NDRG3: variants seen among roughly 807,000 people sequenced by gnomAD.
NDRG3 encodes protein NDRG3.
In NDRG3, 23 loss-of-function variants were observed where a neutral mutation model predicts 57.2. That is an observed-to-expected ratio of 0.40 (90% CI 0.29 to 0.57). The LOEUF (loss-of-function observed/expected upper bound fraction) is 0.57. NDRG3 is among the 20% of genes least tolerant of loss of function. NDRG3 has a pLI of 0.42. For synonymous variants in NDRG3, 132 were observed against 162.6 expected, an observed-to-expected ratio of 0.81 and a Z score of 1.43; for missense variants, 384 against 457.3, an observed-to-expected ratio of 0.84 and a Z score of 1.46.
rs558926687 is a variant in NDRG3 at position 36,696,150 on chromosome 20, G to A, written c.94-7366C>T. Among the ~76,000 whole-genome samples the A allele has an allele frequency of 3.9e-5, 6 of 152,304 alleles. No individual in the cohort carries two copies. In the South Asian group the frequency reaches 1.0e-3, roughly 26 times the overall value. On this transcript the variant is annotated intron_variant, in intron 3 of 15. Transcript: ENST00000349004. ...TCACTCTTGTTGCCCAGGCTGGAAT[G>A]CAATGGTGTGATCTCGGCTCACTGC...
At chr20:36,688,917 G>C in intron 3 of NDRG3, 133 bp from the exon 4 acceptor site, 2 of 685,630 alleles carry the variant, frequency 2.9e-6, no homozygotes, top group South Asian at 3.3e-5. Flanking sequence ...CATGTGGCTG[G>C]GCGTGGTGGT....
intron 8 of NDRG3, among the ~76,000 whole-genome samples, chr20:36,674,752 C>G (rs1013184227): frequency 1.3e-5 from 2 of 151,616 alleles, no homozygotes; most frequent in South Asian, 2.1e-4. Context: ...CGTGTACCAC[C>G]TTTTAAATTT....
At chr20:36,712,580 TA>T (rs1568660359) in intron 2 of NDRG3, among the ~76,000 whole-genome samples, 78 of 26,978 alleles carry the variant, frequency 2.9e-3, no homozygotes, top group South Asian at 9.7e-3. Flanking sequence ...TATATATATA[TA>T]TATATATTTT....
chr20:36,679,885 C>T (rs1981103315), intron 8 of NDRG3, among the ~76,000 whole-genome samples: 2 of 146,074 alleles, frequency 1.4e-5, no homozygotes, highest in African/African-American at 5.1e-5. Flanking sequence ...AGTGCAATGG[C>T]ACGATCTTAG....
chr20:36,739,896 C>T (rs1311358533), intron 1 of NDRG3, among the ~76,000 whole-genome samples: 8 of 123,064 alleles, frequency 6.5e-5, no homozygotes, highest in Non-Finnish European at 4.7e-5. Context: ...GGTGACAGAG[C>T]GAGACTCCGT....
intron 3 of NDRG3, 57 bp from the exon 4 acceptor site, chr20:36,688,841 A>T (rs1240241892): frequency 1.7e-6 from 2 of 1,203,692 alleles, no homozygotes; most frequent in Non-Finnish European, 2.5e-6. Context: ...CCAGGTTGCC[A>T]AAGTTTCACA....
chr20:36,679,076 G>C (rs1458217608), intron 8 of NDRG3, among the ~76,000 whole-genome samples: 3 of 152,142 alleles, frequency 2.0e-5, no homozygotes, highest in Non-Finnish European at 2.9e-5. Flanking sequence ...TCAGCCTCCT[G>C]AGTAGCTGGG....
intron 1 of NDRG3, among the ~76,000 whole-genome samples, chr20:36,730,117 C>T (rs1254418735): frequency 1.3e-5 from 2 of 151,352 alleles, no homozygotes; most frequent in Non-Finnish European, 2.9e-5. Flanking sequence ...CATGATAGCA[C>T]GTGCCTGTAA....
At chr20:36,678,756 T>C (rs1980981016) in intron 8 of NDRG3, among the ~76,000 whole-genome samples, 1 of 152,236 alleles carries the variant, frequency 6.6e-6, no homozygotes, top group Admixed American at 6.5e-5. Context: ...AAAATTCTTA[T>C]TTTAATGACT....
chr20:36,701,904 TA>T (rs1453064976), intron 3 of NDRG3, among the ~76,000 whole-genome samples: 2 of 151,758 alleles, frequency 1.3e-5, no homozygotes, highest in African/African-American at 4.8e-5. Context: ...TGTAAGAGTT[TA>T]AGATATTACC....
chr20:36,665,439 T>C, intron 10 of NDRG3, 138 bp from the exon 11 acceptor site: 1 of 785,278 alleles, frequency 1.3e-6, no homozygotes, highest in South Asian at 1.6e-5. Context: ...GAAGAGGCCC[T>C]ATGACTTGGT....
chr20:36,671,493 T>A (rs1322461531), intron 8 of NDRG3, 96 bp from the exon 9 acceptor site: 11 of 913,998 alleles, frequency 1.2e-5, no homozygotes, highest in Non-Finnish European at 1.7e-5. Context: ...ATATATGTTA[T>A]CTCTTTAAAA....
chr20:36,655,719 A>G (rs1028237737), intron 15 of NDRG3, among the ~76,000 whole-genome samples: 2 of 152,198 alleles, frequency 1.3e-5, no homozygotes, highest in Non-Finnish European at 2.9e-5. Flanking sequence ...CTGGAGTCAG[A>G]CTGTCAGGGT....
At chr20:36,733,937 C>T (rs529902403) in intron 1 of NDRG3, among the ~76,000 whole-genome samples, 14 of 152,272 alleles carry the variant, frequency 9.2e-5, no homozygotes, top group African/African-American at 3.1e-4. Flanking sequence ...GTAATCATTA[C>T]AGCACTTTCC....
intron 3 of NDRG3, among the ~76,000 whole-genome samples, chr20:36,699,663 G>A (rs1453975354): frequency 2.0e-5 from 3 of 151,932 alleles, no homozygotes; most frequent in Non-Finnish European, 4.4e-5. Flanking sequence ...GGTAACTGAT[G>A]GTAACTGGTG....
At chr20:36,686,882 T>G (rs1173851371) in intron 5 of NDRG3, among the ~76,000 whole-genome samples, 1 of 152,088 alleles carries the variant, frequency 6.6e-6, no homozygotes, top group Non-Finnish European at 1.5e-5. Flanking sequence ...GTTTTTTTGT[T>G]TGTTTGTTTT....
At chr20:36,712,583 ATATATTTTTTTTTTT>A (rs1245758157) in intron 2 of NDRG3, among the ~76,000 whole-genome samples, 1 of 10,926 alleles carries the variant, frequency 9.2e-5, no homozygotes, top group Non-Finnish European at 1.8e-4. Context: ...ATATATATAT[ATATATTTTTTTTTTT>A]TTTTTTTTTT....
intron 1 of NDRG3, among the ~76,000 whole-genome samples, chr20:36,741,013 G>A (rs1985903167): frequency 6.6e-6 from 1 of 152,126 alleles, no homozygotes; most frequent in Non-Finnish European, 1.5e-5. Flanking sequence ...TCTTTTAGAA[G>A]AAACAATTTG....
chr20:36,687,682 T>C, intron 4 of NDRG3, 70 bp from the exon 5 acceptor site: 2 of 1,529,456 alleles, frequency 1.3e-6, no homozygotes, highest in Non-Finnish European at 1.8e-6. Flanking sequence ...ACTCAGTCAA[T>C]GCCTATTATC....
Sources: gnomAD v4.1 joint callset for allele counts (sites outside exome capture counted in the v4.1 genomes callset) on GRCh38, gnomAD v4.1.1 for gene constraint, MANE v1.5 for transcripts, NCBI Gene and HGNC (gene_info 2026-07-23, HGNC 2026-07-21) for gene names.